FDFT1: variants seen among roughly 807,000 people sequenced by gnomAD.
FDFT1 encodes the protein farnesyl-diphosphate farnesyltransferase 1, also known as squalene synthase.
A neutral mutation model predicts 46.8 loss-of-function variants in FDFT1; 68 were observed. The ratio of observed to expected loss-of-function variants is 1.45; its 90% confidence interval spans 1.19 to 1.78. The LOEUF is 1.78. Ranked by LOEUF, FDFT1 falls within the 40% of genes most tolerant of loss-of-function variation. FDFT1 has a pLI of 0.00. For missense variants in FDFT1, 928 were observed against 524.4 expected (o/e 1.77, Z -7.52); for synonymous variants, 351 against 185.1 (o/e 1.90, Z -7.28).
chr8:11,837,539 T>A (rs1811713175), intron 7 of FDFT1, among the ~76,000 whole-genome samples: 2 of 152,300 alleles, frequency 1.3e-5, no homozygotes, highest in Middle Eastern at 3.4e-3. Context: ...GCCCGGCAAC[T>A]GTTACTAGAC....
At chr8:11,831,361 A>G (rs1389342468) in intron 6 of FDFT1, among the ~76,000 whole-genome samples, 157 bp from the exon 7 acceptor site, 1 of 152,226 alleles carries the variant, frequency 6.6e-6, no homozygotes, top group African/African-American at 2.4e-5. Flanking sequence ...AAATCTTGAC[A>G]TACTTTCTTC....
At chr8:11,797,124 C>T (rs1805632404) in intron 1 of FDFT1, among the ~76,000 whole-genome samples, 1 of 152,196 alleles carries the variant, frequency 6.6e-6, no homozygotes, top group African/African-American at 2.4e-5. Context: ...ACTGACATGG[C>T]AAACTGGTGG....
At position 11,831,602 on chromosome 8, in the gene FDFT1, G is replaced by C; in HGVS notation, c.964G>C (p.Val322Leu). ...AGTGAAGATTCGGAAAGGGCAAGCA[G>C]TGACCCTGATGATGGATGCCACCAA... ...GAVKIRKGQAVTLMMDATNMP... is the reference protein window; with the variant it reads ...GAVKIRKGQALTLMMDATNMP... Residue 322 changes from valine (V) to leucine (L), a missense_variant, in exon 7 of 8, where the codon GTG (valine) becomes CTG (leucine). Transcript: ENST00000220584. The C allele has an allele frequency of 6.2e-7, 1 of 1,614,052 alleles. No individual in the cohort carries two copies. Among genetic ancestry groups the C allele is most frequent in the Non-Finnish European group, 8.5e-7 (1 of 1,179,858 alleles).
At chr8:11,832,022 C>A (rs913811034) in intron 7 of FDFT1, among the ~76,000 whole-genome samples, 4 of 152,110 alleles carry the variant, frequency 2.6e-5, no homozygotes, top group Non-Finnish European at 5.9e-5. Context: ...TGATGCAGTG[C>A]GTGATTGAGT....
chr8:11,819,191 C>T (rs528267302), intron 3 of FDFT1, among the ~76,000 whole-genome samples: 1 of 152,190 alleles, frequency 6.6e-6, no homozygotes, highest in African/African-American at 2.4e-5. Flanking sequence ...TCTCTTCTGG[C>T]TAGTAGGGTT....
intron 2 of FDFT1, 54 bp downstream of exon 2, chr8:11,808,945 T>C: frequency 6.3e-7 from 1 of 1,581,038 alleles, no homozygotes; most frequent in Non-Finnish European, 8.6e-7. Context: ...CCGGGACCTT[T>C]GAGTGTGTTG....
intron 4 of FDFT1, among the ~76,000 whole-genome samples, chr8:11,825,629 G>T (rs763156909): frequency 6.7e-6 from 1 of 149,578 alleles, no homozygotes; most frequent in African/African-American, 2.5e-5. Flanking sequence ...GAGGCAGAAA[G>T]ATTGCTTGGG....
At chr8:11,833,309 A>G (rs762839143) in intron 7 of FDFT1, among the ~76,000 whole-genome samples, 1 of 152,216 alleles carries the variant, frequency 6.6e-6, no homozygotes, top group Non-Finnish European at 1.5e-5. Flanking sequence ...CTAGGGTCAT[A>G]ATTTGAACCC....
intron 3 of FDFT1, among the ~76,000 whole-genome samples, chr8:11,811,243 G>A (rs55819454): frequency 1.9e-4 from 29 of 152,292 alleles, no homozygotes; most frequent in Non-Finnish European, 3.2e-4. Flanking sequence ...AATCTGTGGC[G>A]ATTCATTGAT....
chr8:11,821,854 G>T lies in FDFT1; in HGVS notation c.486G>T (p.Val162=). 1.2e-6 allele frequency: 2 copies of T among 1,613,422 alleles called. No individual in the cohort carries two copies. The highest frequency in any genetic ancestry group is 1.1e-5 in the South Asian group (1 of 91,032). The change falls in exon 4 of 8, where the codon GTG becomes GTT. Residue 162 remains valine (V), a synonymous_variant. Coordinates refer to ENST00000220584, the MANE Select transcript of FDFT1 (RefSeq NM_004462.5). ...IGMAEFLDKH[V]TSEQEWDKYC... ...TGGCAGAGTTTTTGGATAAGCATGT[G>T]ACCTCTGAACAGGAGTGGGACAAGG...
At chr8:11,829,471 C>T (rs571938456) in intron 5 of FDFT1, among the ~76,000 whole-genome samples, 1 of 152,348 alleles carries the variant, frequency 6.6e-6, no homozygotes, top group African/African-American at 2.4e-5. Context: ...CCAGCTATGC[C>T]TTTCAGCAGC....
rs779973416 is a variant in FDFT1, at chr8:11,809,850, G to C, written c.381G>C (p.Thr127=). The change falls in exon 3 of 8, where the codon ACG becomes ACC. Residue 127 remains threonine, a splice_region_variant and synonymous_variant. Transcript: ENST00000220584. ...GCCAGGTGCTGGAGGACTTCCCAAC[G>C]GTGAGTGGGGTTACGCATCTTGTCT... ...KDRQVLEDFP[T]ISLEFRNLAE... 1 of 1,610,028 alleles carries C rather than the reference G, an allele frequency of 6.2e-7. No individual in the cohort carries two copies. Among genetic ancestry groups the C allele is most frequent in the Non-Finnish European group, 8.5e-7 (1 of 1,177,106 alleles).
chr8:11,799,729 C>T (rs1409050846), upstream of FDFT1, among the ~76,000 whole-genome samples: 4 of 151,764 alleles, frequency 2.6e-5, no homozygotes, highest in Admixed American at 6.6e-5. Flanking sequence ...GGGCGGATCA[C>T]GAGGTCAAGA....
At chr8:11,802,358 C>A (rs989610238), upstream of FDFT1, 1 of 443,272 alleles carries the variant, frequency 2.3e-6, no homozygotes, top group Non-Finnish European at 4.5e-6. Flanking sequence ...AGCAGCCCCG[C>A]ACTGCTCTCC....
intron 7 of FDFT1, among the ~76,000 whole-genome samples, chr8:11,835,909 G>A (rs949350576): frequency 9.3e-5 from 13 of 139,790 alleles, no homozygotes; most frequent in East Asian, 7.3e-4. Context: ...TGAGGCAGGC[G>A]GATCACTTGA....
At chr8:11,802,574 A>T (rs1384989717), upstream of FDFT1, 1 of 620,148 alleles carries the variant, frequency 1.6e-6, no homozygotes, top group African/African-American at 1.8e-5. Context: ...TCCGCGACTG[A>T]TTGGCCGGGG....
At position 11,826,116 on chromosome 8, in the gene FDFT1, A is replaced by C; in HGVS notation, c.603A>C (p.Thr201=). ...AAGACCCCTTAGTTGGTGAAGATAC[A>C]GAACGTGCCAACTCTATGGGCCTGT... ...EFEDPLVGED[T]ERANSMGLFL... is the part of the protein sequence containing the mutation. The change falls in exon 5 of 8, where the codon ACA becomes ACC. Residue 201 remains threonine (T), a synonymous_variant. Coordinates refer to ENST00000220584, the MANE Select transcript of FDFT1 (RefSeq NM_004462.5). 1 of 1,610,168 alleles carries C rather than the reference A, an allele frequency of 6.2e-7. No individual in the cohort carries two copies. The highest frequency in any genetic ancestry group is 1.1e-5 in the South Asian group (1 of 90,758).
chr8:11,831,558 A>G lies in FDFT1; in HGVS notation c.920A>G (p.Gln307Arg), dbSNP rs755178037. 13 of 1,614,104 alleles carry G rather than the reference A, an allele frequency of 8.1e-6. No homozygotes were observed. The highest frequency in any genetic ancestry group is 1.1e-5 in the Non-Finnish European group (13 of 1,179,910). Residue 307 changes from glutamine (Q) to arginine (R), a missense_variant, in exon 7 of 8, where the codon CAG becomes CGG. By Grantham distance (43) the Gln-to-Arg change is conservative (BLOSUM62 1). Coordinates refer to ENST00000220584, the MANE Select transcript of FDFT1 (RefSeq NM_004462.5). ...IATLAACYNN[Q>R]QVFKGAVKIR... ...ACTTTGGCTGCCTGTTATAATAACC[A>G]GCAGGTGTTCAAAGGGGCAGTGAAG...
upstream of FDFT1, chr8:11,802,021 C>T (rs1435904470): frequency 4.4e-6 from 2 of 455,900 alleles, no homozygotes; most frequent in Admixed American, 2.3e-5. Context: ...CTGGAGAGAT[C>T]TAGGATGAGA....
Sources: allele counts gnomAD v4.1 joint callset (sites outside exome capture counted in the v4.1 genomes callset), GRCh38; gene constraint gnomAD v4.1.1; transcripts MANE v1.5; gene names NCBI Gene and HGNC (gene_info 2026-07-23, HGNC 2026-07-21).